Variants in DGKB observed in about 807,000 individuals in gnomAD.
DGKB encodes diacylglycerol kinase beta.
Under a neutral mutation model 114.3 loss-of-function variants are expected in DGKB, and 67 were observed. The ratio of observed to expected loss-of-function variants is 0.59; its 90% CI spans 0.48 to 0.72. The LOEUF is 0.72. DGKB is among the 30% of genes least tolerant of loss of function. DGKB has a pLI of 0.00. For synonymous variants in DGKB, 398 were observed against 323.1 expected (o/e 1.23, Z -2.49); for missense variants, 907 against 975.2 (o/e 0.93, Z 0.93).
At chr7:14,516,201 T>A (rs1200800797) in intron 20 of DGKB, among the ~76,000 whole-genome samples, 2 of 152,210 alleles carry the variant, frequency 1.3e-5, no homozygotes, top group Non-Finnish European at 2.9e-5. Flanking sequence ...AACAATGTAT[T>A]ACTCTAGTTA....
intron 9 of DGKB, among the ~76,000 whole-genome samples, chr7:14,687,759 T>G (rs950110624): frequency 1.8e-4 from 27 of 152,338 alleles, no homozygotes; most frequent in Non-Finnish European, 3.2e-4. Context: ...TGTCGTTTTA[T>G]TTTTAAATGA....
intron 1 of DGKB, among the ~76,000 whole-genome samples, chr7:14,968,834 T>C (rs1333815370): frequency 6.6e-6 from 1 of 152,226 alleles, no homozygotes; most frequent in Non-Finnish European, 1.5e-5. Context: ...TTAATGTTTT[T>C]AGCATATTGA....
intron 20 of DGKB, among the ~76,000 whole-genome samples, chr7:14,518,739 G>A (rs567328151): frequency 6.7e-6 from 1 of 150,072 alleles, no homozygotes; most frequent in South Asian, 2.1e-4. Flanking sequence ...TTGGCTCCTG[G>A]GGACTCAGGA....
At chr7:14,486,921 C>A (rs574086208) in intron 20 of DGKB, among the ~76,000 whole-genome samples, 1 of 152,246 alleles carries the variant, frequency 6.6e-6, no homozygotes, top group African/African-American at 2.4e-5. Flanking sequence ...TAAACTTCAA[C>A]AATTTAGATT....
At chr7:14,811,361 C>T (rs1015155554) in intron 2 of DGKB, among the ~76,000 whole-genome samples, 3 of 152,104 alleles carry the variant, frequency 2.0e-5, no homozygotes, top group African/African-American at 7.2e-5. Context: ...GAGAACTCCA[C>T]CACACCTGGC....
At chr7:14,739,745 T>C (rs140639151) in intron 4 of DGKB, among the ~76,000 whole-genome samples, 1 of 152,320 alleles carries the variant, frequency 6.6e-6, no homozygotes, top group African/African-American at 2.4e-5. Flanking sequence ...ACTGCACCCC[T>C]TGCGTCACTC....
chr7:14,367,915 C>T (rs1468567697), intron 21 of DGKB, among the ~76,000 whole-genome samples: 1 of 152,000 alleles, frequency 6.6e-6, no homozygotes, highest in Non-Finnish European at 1.5e-5. Flanking sequence ...TCACCGCCCA[C>T]CAGGTTCCTA....
chr7:14,882,324 C>T (rs917888553), intron 1 of DGKB, among the ~76,000 whole-genome samples: 3 of 151,952 alleles, frequency 2.0e-5, no homozygotes, highest in African/African-American at 7.2e-5. Flanking sequence ...CACACAAGGA[C>T]CATATCTTCT....
At chr7:14,182,298 G>T (rs1248746215) in intron 23 of DGKB, among the ~76,000 whole-genome samples, 2 of 150,630 alleles carry the variant, frequency 1.3e-5, no homozygotes, top group African/African-American at 4.9e-5. Flanking sequence ...AATAATTATT[G>T]AACTTCTAGA....
At position 14,891,043 on chromosome 7, in the gene DGKB, A is replaced by G. The variant is rs148713750; in HGVS notation, c.-188+11549T>C. 6.2e-3 allele frequency among the ~76,000 whole-genome samples: 946 copies of G among 151,590 alleles called. 4 individuals carry two copies. The highest frequency in any genetic ancestry group is 0.01 in the Non-Finnish European group (696 of 67,600). On this transcript the variant is annotated intron_variant, in intron 1 of 25. Transcript: ENST00000402815. ...TATAAGTATTACTGTTAAACATAAAAGAGAGGAAAATATGGTAACGTACAG... is the reference window on the plus strand; with the variant it reads ...TATAAGTATTACTGTTAAACATAAAGGAGAGGAAAATATGGTAACGTACAG...
chr7:14,149,249 AG>A lies in DGKB; in HGVS notation c.2305-12del. On this transcript the variant is annotated splice_polypyrimidine_tract_variant and intron_variant, in intron 25 of 25. Coordinates refer to ENST00000402815, the MANE Select transcript of DGKB (RefSeq NM_001350709.2). ...GTGTGTAATTTTTATCTAGAAAAAA[AG>A]AGAGAGAGAGAGAGAGAAAGAATAG... 31 of 1,148,034 alleles carry A rather than the reference AG, an allele frequency of 2.7e-5. No homozygotes were observed. Among genetic ancestry groups the A allele is most frequent in the Admixed American group, 4.5e-5 (2 of 44,782 alleles). The allele number at this position is 1,148,034 out of a possible 1,614,324, so 71.1% of individuals were successfully genotyped here. A position where few individuals can be genotyped will look rare whatever the true frequency, so the allele number is the denominator to read the frequency against.
In DGKB at chr7:14,316,091, CAA is replaced by C. The variant is rs923450127; in HGVS notation, c.2122+22422_2122+22423del. On this transcript the variant is annotated intron_variant, in intron 23 of 25. Coordinates refer to ENST00000402815, the MANE Select transcript of DGKB (RefSeq NM_001350709.2). ...AGATGTTCTTTGAAACCAACGAGAA[CAA>C]AGACACAACATACCAGAATCTCTGG... Among the ~76,000 whole-genome samples, 1,351 of 150,552 alleles carry C rather than the reference CAA, an allele frequency of 9.0e-3. 18 individuals are homozygous for C. The highest frequency in any genetic ancestry group is 0.031 in the African/African-American group (1,280 of 40,916).
At chr7:14,651,934 C>A (rs1164762082) in intron 13 of DGKB, among the ~76,000 whole-genome samples, 40 of 134,330 alleles carry the variant, frequency 3.0e-4, no homozygotes, top group African/African-American at 4.2e-4. Flanking sequence ...TAGGAATCCA[C>A]CTTACAAGGG....
intron 25 of DGKB, among the ~76,000 whole-genome samples, chr7:14,171,975 T>C (rs934391701): frequency 1.3e-5 from 2 of 152,172 alleles, no homozygotes; most frequent in Non-Finnish European, 2.9e-5. Context: ...GTAATGTTGT[T>C]ATTGTTTTGA....
intron 21 of DGKB, among the ~76,000 whole-genome samples, chr7:14,355,487 AG>A (rs1224564227): frequency 7.2e-5 from 11 of 152,186 alleles, no homozygotes; most frequent in African/African-American, 2.4e-4. Flanking sequence ...TTTAGCATGA[AG>A]GGCTGTTGAA....
At chr7:14,372,137 G>A (rs1189409696) in intron 21 of DGKB, among the ~76,000 whole-genome samples, 1 of 152,114 alleles carries the variant, frequency 6.6e-6, no homozygotes, top group South Asian at 2.1e-4. Flanking sequence ...CCTTGGTCTA[G>A]GTTGCTCAGA....
chr7:14,713,590 G>A lies in DGKB; in HGVS notation c.466+4952C>T, dbSNP rs544930278. ...TCAGAAATTATGGATTTTAGTAATA[G>A]CTAGATAAACTGGTGGTGTAATTAA... On this transcript the variant is annotated intron_variant, in intron 6 of 25. Coordinates refer to ENST00000402815, the MANE Select transcript of DGKB (RefSeq NM_001350709.2). Among the ~76,000 whole-genome samples, 3 of 149,730 alleles carry A rather than the reference G, an allele frequency of 2.0e-5. No individual in the cohort carries two copies. The South Asian group carries it at 6.3e-4, about 31-fold the overall frequency.
At chr7:14,974,038 T>C (rs963878637) in intron 1 of DGKB, among the ~76,000 whole-genome samples, 7 of 151,932 alleles carry the variant, frequency 4.6e-5, no homozygotes, top group Middle Eastern at 6.8e-3. Context: ...TCAGATCAAA[T>C]AAAAAGGCAA....
chr7:14,831,409 G>A (rs1846391948), intron 2 of DGKB, among the ~76,000 whole-genome samples: 1 of 151,976 alleles, frequency 6.6e-6, no homozygotes, highest in African/African-American at 2.4e-5. Context: ...TCATTCCAAG[G>A]ATGTTTTTGT....
Sources: gnomAD v4.1 joint callset for allele counts (sites outside exome capture counted in the v4.1 genomes callset) on GRCh38, gnomAD v4.1.1 for gene constraint, MANE v1.5 for transcripts, NCBI Gene and HGNC (gene_info 2026-07-23, HGNC 2026-07-21) for gene names.